GTF3C6: variants seen among roughly 807,000 people sequenced by gnomAD.
The protein encoded by GTF3C6 is general transcription factor 3C polypeptide 6.
GTF3C6 carries 11 observed loss-of-function variants against 19.2 expected under a neutral mutation model. The ratio of observed to expected loss-of-function variants is 0.57; its 90% confidence interval spans 0.36 to 0.95. The LOEUF (loss-of-function observed/expected upper bound fraction) is 0.95. Ranked by LOEUF, GTF3C6 falls within the 40% of genes least tolerant of loss-of-function variation. The pLI is 0.01. For missense variants in GTF3C6, 222 were observed against 254.7 expected (o/e 0.87, Z 0.87); for synonymous variants, 87 against 84.2 (o/e 1.03, Z -0.18).
chr6:110,965,279 T>G (rs1312238491), intron 5 of GTF3C6, among the ~76,000 whole-genome samples: 2 of 152,116 alleles, frequency 1.3e-5, no homozygotes, highest in Non-Finnish European at 1.5e-5. Flanking sequence ...TTGCATCCAC[T>G]TATTCTTCTT....
intron 5 of GTF3C6, among the ~76,000 whole-genome samples, chr6:110,965,859 C>T (rs1771223163): frequency 6.6e-6 from 1 of 152,220 alleles, no homozygotes; most frequent in African/African-American, 2.4e-5. Context: ...AAACCAGTAT[C>T]TTACAGTTTC....
chr6:110,962,252 T>G, intron 4 of GTF3C6, 140 bp from the exon 5 acceptor site: 4 of 588,126 alleles, frequency 6.8e-6, no homozygotes, highest in Non-Finnish European at 9.3e-6. Context: ...GCAGGAGGGA[T>G]GAGTTATACC....
At chr6:110,966,540 A>G (rs560921685) in intron 5 of GTF3C6, among the ~76,000 whole-genome samples, 6 of 152,306 alleles carry the variant, frequency 3.9e-5, no homozygotes, top group Non-Finnish European at 5.9e-5. Flanking sequence ...GGACAGGACT[A>G]CACAGGGGCA....
intron 5 of GTF3C6, among the ~76,000 whole-genome samples, chr6:110,962,994 C>G (rs1771184221): frequency 6.6e-6 from 1 of 152,060 alleles, no homozygotes; most frequent in Non-Finnish European, 1.5e-5. Context: ...GGCCAGGATG[C>G]TCTCAATCTC....
intron 2 of GTF3C6, 107 bp downstream of exon 2, chr6:110,959,359 A>C: frequency 1.4e-6 from 1 of 718,300 alleles, no homozygotes; most frequent in Non-Finnish European, 2.4e-6. Flanking sequence ...ATTTCACCTT[A>C]CAAAGTAGTG....
At chr6:110,967,475 C>CT (rs758552942) in intron 5 of GTF3C6, 35 bp from the exon 6 acceptor site, 2 of 1,541,780 alleles carry the variant, frequency 1.3e-6, no homozygotes, top group Admixed American at 2.2e-5. Context: ...TTTTTTGTTT[C>CT]TTTTTTTGTT....
chr6:110,964,408 CTAATT>C (rs918974424), intron 5 of GTF3C6, among the ~76,000 whole-genome samples: 12 of 151,820 alleles, frequency 7.9e-5, no homozygotes, highest in African/African-American at 2.9e-4. Flanking sequence ...CCATGCCCAG[CTAATT>C]TTTGTATTTT....
chr6:110,963,076 C>T (rs1771185929), intron 5 of GTF3C6, among the ~76,000 whole-genome samples: 1 of 152,138 alleles, frequency 6.6e-6, no homozygotes, highest in Non-Finnish European at 1.5e-5. Flanking sequence ...CGGTGCCTGG[C>T]CACGCCCGGC....
In GTF3C6 at chr6:110,958,814, C is replaced by A; in HGVS notation, c.45C>A (p.Asp15Glu). 6.4e-7 allele frequency: 1 copy of A among 1,551,170 alleles called. No homozygotes were observed. Among genetic ancestry groups the A allele is most frequent in the Non-Finnish European group, 8.7e-7 (1 of 1,146,928 alleles). The change falls in exon 1 of 6, where the codon GAC becomes GAA. Residue 15 changes from aspartate (D) to glutamate (E), a missense_variant. Transcript: ENST00000329970. Reference protein sequence around the residue: ...ADERSPEDGEDEEEEEQLVLV... With the variant: ...ADERSPEDGEEEEEEEQLVLV... ...AGCGGAGTCCAGAGGACGGAGAAGA[C>A]GAGGAAGAGGAGGTAGTAAGCGCTA...
At position 110,960,582 on chromosome 6, in the gene GTF3C6, G is replaced by T; in HGVS notation, c.213G>T (p.Gly71=). 1.2e-6 allele frequency: 2 copies of T among 1,613,796 alleles called. No homozygotes were observed. The highest frequency in any genetic ancestry group is 1.7e-6 in the Non-Finnish European group (2 of 1,179,734). ...VFAGEYEDTL[G]TCVIFEENVE... is the part of the protein sequence containing the mutation. ...TGTATTTTTCTGCAGACACTCTAGGGACCTGTGTTATATTTGAAGAAAATG... is the reference window on the plus strand; with the variant it reads ...TGTATTTTTCTGCAGACACTCTAGGTACCTGTGTTATATTTGAAGAAAATG... Residue 71 remains glycine (G), a synonymous_variant, in exon 4 of 6, where the codon GGG becomes GGT. Coordinates refer to ENST00000329970, the MANE Select transcript of GTF3C6 (RefSeq NM_138408.4).
At chr6:110,961,721 C>T (rs1313995449) in intron 4 of GTF3C6, among the ~76,000 whole-genome samples, 1 of 152,054 alleles carries the variant, frequency 6.6e-6, no homozygotes, top group East Asian at 1.9e-4. Flanking sequence ...GACTTTGGTC[C>T]TTAATTTGAT....
rs751688749 is a variant in GTF3C6, at chr6:110,967,661, C to T, written c.513C>T (p.Asn171=). Residue 171 remains asparagine (N), a synonymous_variant, in exon 6 of 6, where the codon AAC becomes AAT. Coordinates refer to ENST00000329970, the MANE Select transcript of GTF3C6 (RefSeq NM_138408.4). ...LELEEEEIQM[N]DSSNLSCEQE... is the part of the protein sequence containing the mutation. ...TGGAAGAGGAAGAGATTCAAATGAA[C>T]GACAGTTCAAACCTGAGTTGTGAAC... is the stretch of plus-strand genomic sequence containing the variant. The T allele has an allele frequency of 1.5e-5, 24 of 1,613,946 alleles. No individual in the cohort carries two copies. The highest frequency in any genetic ancestry group is 6.6e-5 in the South Asian group (6 of 91,086).
At chr6:110,964,696 C>T (rs1251273030) in intron 5 of GTF3C6, among the ~76,000 whole-genome samples, 4 of 151,926 alleles carry the variant, frequency 2.6e-5, no homozygotes, top group African/African-American at 9.7e-5. Context: ...GGCTGGAGTG[C>T]AGTGGCGTGA....
intron 2 of GTF3C6, among the ~76,000 whole-genome samples, chr6:110,959,971 A>AAAC (rs1771138519): frequency 6.6e-6 from 1 of 151,374 alleles, no homozygotes; most frequent in African/African-American, 2.4e-5. Context: ...TAAAAAAAAA[A>AAAC]AATAATAATA....
chr6:110,962,815 G>A (rs1771178218), intron 5 of GTF3C6, among the ~76,000 whole-genome samples: 2 of 151,612 alleles, frequency 1.3e-5, no homozygotes, highest in South Asian at 4.2e-4. Flanking sequence ...GTCTCGCACT[G>A]TCGCCCGGGC....
chr6:110,960,493 A>C lies in GTF3C6; in HGVS notation c.202+16A>C, dbSNP rs1321304645. The C allele has an allele frequency of 6.2e-7, 1 of 1,613,614 alleles. No homozygotes were observed. Among genetic ancestry groups the C allele is most frequent in the East Asian group, 2.2e-5 (1 of 44,878 alleles). On this transcript the variant is annotated intron_variant, in intron 3 of 5. Coordinates refer to ENST00000329970, the MANE Select transcript of GTF3C6 (RefSeq NM_138408.4). ...GAGTATGAAGGTAGGAGGATGTCAG[A>C]TAGATGGAACTCTTTCTGATATGGG...
intron 5 of GTF3C6, among the ~76,000 whole-genome samples, chr6:110,965,622 A>G (rs543044738): frequency 1.3e-5 from 2 of 152,338 alleles, no homozygotes; most frequent in Non-Finnish European, 2.9e-5. Context: ...TAGGTTCTAG[A>G]ATAAACTTGA....
intron 2 of GTF3C6, among the ~76,000 whole-genome samples, chr6:110,959,871 C>T (rs1285336450): frequency 6.6e-6 from 1 of 151,950 alleles, no homozygotes; most frequent in Non-Finnish European, 1.5e-5. Context: ...ACAGGAGAAT[C>T]GCGTGATCCC....
In GTF3C6 at chr6:110,958,796, T is replaced by G. The variant is rs1301099593; in HGVS notation, c.27T>G (p.Ser9Arg). The stretch of plus-strand genomic sequence containing the variant: ...TGGCGGCGGCGGCGGACGAGCGGAG[T>G]CCAGAGGACGGAGAAGACGAGGAAG... Reference protein sequence around the residue: MAAAADERSPEDGEDEEEE... With the variant: MAAAADERRPEDGEDEEEE... The change falls in exon 1 of 6, where the codon AGT becomes AGG. Residue 9 changes from serine to arginine, a missense_variant. Coordinates refer to ENST00000329970, the MANE Select transcript of GTF3C6 (RefSeq NM_138408.4). 6.4e-7 allele frequency: 1 copy of G among 1,550,662 alleles called. No individual in the cohort carries two copies. The highest frequency in any genetic ancestry group is 8.7e-7 in the Non-Finnish European group (1 of 1,146,866).
Sources: allele counts gnomAD v4.1 joint callset (sites outside exome capture counted in the v4.1 genomes callset), GRCh38; gene constraint gnomAD v4.1.1; transcripts MANE v1.5; gene names NCBI Gene and HGNC (gene_info 2026-07-23, HGNC 2026-07-21).